The following CCNJL variants were observed in gnomAD, a reference collection of about 807,000 sequenced individuals.
The protein encoded by CCNJL is cyclin-J-like protein.
A neutral mutation model predicts 33.4 loss-of-function variants in CCNJL; 33 were observed. The observed-to-expected ratio is 0.99, with a 90% confidence interval of 0.75 to 1.32. The LOEUF is 1.32. Ranked by LOEUF, CCNJL falls within the 40% of genes most tolerant of loss-of-function variation. CCNJL has a pLI of 0.00. For synonymous variants in CCNJL, 227 were observed against 220.9 expected, an observed-to-expected ratio of 1.03 and a Z score of -0.24; for missense variants, 512 against 499.7, an observed-to-expected ratio of 1.02 and a Z score of -0.23.
intron 4 of CCNJL, chr5:160,258,151 A>G (rs965929494): frequency 1.0e-5 from 4 of 398,758 alleles, no homozygotes; most frequent in Non-Finnish European, 1.9e-5. Flanking sequence ...CAGTCCAATC[A>G]TTGATCTGGA....
intron 2 of CCNJL, among the ~76,000 whole-genome samples, chr5:160,283,095 A>AT (rs1475407713): frequency 6.7e-6 from 1 of 148,430 alleles, no homozygotes; most frequent in Non-Finnish European, 1.5e-5. Context: ...AGCATCATTC[A>AT]TAACAGTTCC....
intron 4 of CCNJL, among the ~76,000 whole-genome samples, chr5:160,257,426 G>A (rs1301246998): frequency 6.6e-6 from 1 of 152,082 alleles, no homozygotes; most frequent in Non-Finnish European, 1.5e-5. Flanking sequence ...AGTGAGCCAA[G>A]ATCGTGCCAC....
rs1733762855 is a variant in CCNJL, at chr5:160,249,220, T to C, written c.*4158A>G. Reference sequence around the variant, plus strand: ...CAGAAAGGACACTTGCATGCTAGTTTATCTATGGTCAGTTGTGGAATAGGT... The same window carrying C: ...CAGAAAGGACACTTGCATGCTAGTTCATCTATGGTCAGTTGTGGAATAGGT... On this transcript the variant is annotated 3_prime_UTR_variant, in exon 6 of 6. Coordinates refer to ENST00000257536, the MANE Select transcript of CCNJL (RefSeq NM_001308173.3). 6.6e-6 allele frequency: 1 copy of C among 152,246 alleles called. No individual in the cohort carries two copies. The highest frequency in any genetic ancestry group is 2.4e-5 in the African/African-American group (1 of 41,470). The allele number at this position is 152,246 out of a possible 1,614,324, so 9.4% of individuals were successfully genotyped here.
intron 1 of CCNJL, among the ~76,000 whole-genome samples, chr5:160,322,292 C>T (rs1473915650): frequency 1.3e-5 from 2 of 152,200 alleles, no homozygotes; most frequent in Admixed American, 6.5e-5. Context: ...AGCCTGCTTC[C>T]ACCAGCTCAG....
chr5:160,333,349 C>A (rs1462332067), intron 1 of CCNJL, among the ~76,000 whole-genome samples: 1 of 152,048 alleles, frequency 6.6e-6, no homozygotes, highest in Non-Finnish European at 1.5e-5. Flanking sequence ...TGGTCTTGAT[C>A]TCCTGACCTC....
intron 3 of CCNJL, among the ~76,000 whole-genome samples, chr5:160,267,473 G>A (rs1761648063): frequency 6.6e-6 from 1 of 152,130 alleles, no homozygotes; most frequent in African/African-American, 2.4e-5. Flanking sequence ...ACAGCCTCTA[G>A]CATAAAATTA....
At chr5:160,325,754 A>G (rs576004863) in intron 1 of CCNJL, among the ~76,000 whole-genome samples, 2 of 152,298 alleles carry the variant, frequency 1.3e-5, no homozygotes, top group African/African-American at 4.8e-5. Flanking sequence ...CCTGATTTTC[A>G]TCTTCTCTTG....
At chr5:160,334,648 A>C (rs969278663) in intron 1 of CCNJL, among the ~76,000 whole-genome samples, 2 of 152,244 alleles carry the variant, frequency 1.3e-5, no homozygotes, top group Non-Finnish European at 2.9e-5. Context: ...ATTCAGCCCC[A>C]GAATTGATAC....
chr5:160,283,700 C>A (rs7713697), intron 2 of CCNJL, among the ~76,000 whole-genome samples: 23,384 of 152,082 alleles, frequency 0.15, 1,890 homozygotes, highest in East Asian at 0.23. Flanking sequence ...TTGTGCAATA[C>A]AATAGTATGT....
chr5:160,277,299 TAAGG>T (rs2113336087), intron 3 of CCNJL, among the ~76,000 whole-genome samples: 1 of 152,040 alleles, frequency 6.6e-6, no homozygotes, highest in South Asian at 2.1e-4. Context: ...GAAAGAACAG[TAAGG>T]AAGGAAGCCA....
intron 2 of CCNJL, among the ~76,000 whole-genome samples, chr5:160,310,086 A>C (rs1763214508): frequency 6.6e-6 from 1 of 152,168 alleles, no homozygotes; most frequent in Admixed American, 6.5e-5. Context: ...TTCCCTCTAG[A>C]AAGGGGCAAA....
chr5:160,297,022 TGCCTGAGGACTTA>T, intron 2 of CCNJL, among the ~76,000 whole-genome samples: 1 of 152,294 alleles, frequency 6.6e-6, no homozygotes, highest in South Asian at 2.1e-4. Flanking sequence ...TGGAAGGAGT[TGCCTGAGGACTTA>T]GCTAATGGAG....
chr5:160,267,992 G>A (rs1462353586), intron 3 of CCNJL, among the ~76,000 whole-genome samples: 1 of 152,226 alleles, frequency 6.6e-6, no homozygotes, highest in Non-Finnish European at 1.5e-5. Flanking sequence ...TAGCATTTAA[G>A]TCAAAGGAGT....
chr5:160,338,231 T>C (rs977031548), intron 1 of CCNJL, among the ~76,000 whole-genome samples: 2 of 114,818 alleles, frequency 1.7e-5, no homozygotes. Context: ...ACCCCGTCTC[T>C]ACAAAAAAAC....
intron 2 of CCNJL, among the ~76,000 whole-genome samples, chr5:160,291,626 G>A (rs1762588230): frequency 6.6e-6 from 1 of 152,180 alleles, no homozygotes; most frequent in South Asian, 2.1e-4. Context: ...GCATCCACAA[G>A]GCGAGACTTG....
chr5:160,265,493 C>T (rs1761540428), intron 3 of CCNJL, among the ~76,000 whole-genome samples: 1 of 151,960 alleles, frequency 6.6e-6, no homozygotes, highest in Admixed American at 6.6e-5. Flanking sequence ...TAAAAATTAC[C>T]CAGGTGTGGT....
At chr5:160,296,238 A>G (rs1762747219) in intron 2 of CCNJL, among the ~76,000 whole-genome samples, 1 of 152,248 alleles carries the variant, frequency 6.6e-6, no homozygotes, top group African/African-American at 2.4e-5. Context: ...CAAGGCACTT[A>G]ACAGTTGCTA....
intron 2 of CCNJL, among the ~76,000 whole-genome samples, chr5:160,309,158 AAT>A (rs1288229236): frequency 1.3e-5 from 2 of 152,218 alleles, no homozygotes; most frequent in African/African-American, 2.4e-5. Context: ...AGAATGACAC[AAT>A]CTAAATTCTG....
intron 3 of CCNJL, among the ~76,000 whole-genome samples, chr5:160,268,126 C>CA (rs1435737452): frequency 2.6e-5 from 4 of 152,032 alleles, no homozygotes; most frequent in East Asian, 3.9e-4. Context: ...CTACTCTTGG[C>CA]AAAAAAAGGC....
Sources: allele counts gnomAD v4.1 joint callset (sites outside exome capture counted in the v4.1 genomes callset), GRCh38; gene constraint gnomAD v4.1.1; transcripts MANE v1.5; gene names NCBI Gene and HGNC (gene_info 2026-07-23, HGNC 2026-07-21).